The following LRRTM4 variants were observed in gnomAD, a reference collection of about 807,000 sequenced individuals.
LRRTM4 encodes leucine-rich repeat transmembrane neuronal protein 4.
In LRRTM4, 25 loss-of-function variants were observed where a neutral mutation model predicts 47.6. That is an observed-to-expected ratio of 0.53 (90% CI 0.38 to 0.73). The LOEUF (loss-of-function observed/expected upper bound fraction) is 0.73. LRRTM4 is among the 30% of genes least tolerant of loss of function. LRRTM4 has a pLI of 0.00. For missense variants in LRRTM4, 638 were observed against 713.4 expected, an observed-to-expected ratio of 0.89 and a Z score of 1.20; for synonymous variants, 311 against 269.5, an observed-to-expected ratio of 1.15 and a Z score of -1.51.
chr2:77,419,229 T>A (rs971326917), intron 3 of LRRTM4, among the ~76,000 whole-genome samples: 2 of 152,188 alleles, frequency 1.3e-5, no homozygotes, highest in African/African-American at 4.8e-5. Context: ...GAGGCCAAAG[T>A]TAATTCCAAG....
chr2:76,752,677 T>G (rs1573051053), intron 3 of LRRTM4, among the ~76,000 whole-genome samples: 1 of 152,348 alleles, frequency 6.6e-6, no homozygotes, highest in East Asian at 1.9e-4. Context: ...GAATTCGTGG[T>G]TTCTGAGGAG....
At chr2:77,247,545 T>G (rs1440322440) in intron 3 of LRRTM4, among the ~76,000 whole-genome samples, 1 of 152,140 alleles carries the variant, frequency 6.6e-6, no homozygotes, top group African/African-American at 2.4e-5. Context: ...TTTGCTGAAT[T>G]CATTGCCATT....
intron 3 of LRRTM4, among the ~76,000 whole-genome samples, chr2:77,001,296 T>A (rs1230635657): frequency 6.6e-6 from 1 of 152,138 alleles, no homozygotes. Context: ...ATTCTGATTA[T>A]TGTTTTAGGA....
rs146060184 is a variant in LRRTM4, at chr2:76,882,343, A to T, written c.1552-133427T>A. Among the ~76,000 whole-genome samples, 436 of 152,144 alleles carry T rather than the reference A, an allele frequency of 2.9e-3. 5 individuals carry two copies. The highest frequency in any genetic ancestry group is 9.6e-3 in the African/African-American group (400 of 41,502). On this transcript the variant is annotated intron_variant, in intron 3 of 3. Coordinates refer to ENST00000409884, the MANE Select transcript of LRRTM4 (RefSeq NM_001134745.3). ...ATTATTATATTTTAATAACAAAGTG[A>T]TATGGAGAAAATGAGAGCACATTCT...
intron 3 of LRRTM4, among the ~76,000 whole-genome samples, chr2:77,459,580 A>G (rs1325167990): frequency 6.6e-6 from 1 of 151,638 alleles, no homozygotes; most frequent in Non-Finnish European, 1.5e-5. Context: ...CCCTTACACT[A>G]CATCATATAA....
intron 3 of LRRTM4, among the ~76,000 whole-genome samples, chr2:77,095,837 C>A (rs1216449101): frequency 6.6e-6 from 1 of 152,070 alleles, no homozygotes; most frequent in Non-Finnish European, 1.5e-5. Context: ...AAAAGAGATT[C>A]TGTCATTTGA....
intron 3 of LRRTM4, among the ~76,000 whole-genome samples, chr2:77,303,878 T>A (rs578128357): frequency 9.2e-5 from 14 of 152,286 alleles, no homozygotes; most frequent in Admixed American, 2.6e-4. Flanking sequence ...TTAGATTGAT[T>A]TCATATCTTG....
At chr2:77,273,193 G>C (rs932065587) in intron 3 of LRRTM4, among the ~76,000 whole-genome samples, 3 of 151,890 alleles carry the variant, frequency 2.0e-5, no homozygotes, top group Non-Finnish European at 4.4e-5. Flanking sequence ...ATTTTTTTCT[G>C]TCTAAATTAA....
chr2:77,285,497 T>C (rs1185644603), intron 3 of LRRTM4, among the ~76,000 whole-genome samples: 1 of 151,584 alleles, frequency 6.6e-6, no homozygotes, highest in Non-Finnish European at 1.5e-5. Context: ...ATCCCAGCAC[T>C]TTGGGAGACT....
intron 3 of LRRTM4, among the ~76,000 whole-genome samples, chr2:76,901,374 T>C (rs1017763623): frequency 1.3e-5 from 2 of 152,158 alleles, no homozygotes; most frequent in East Asian, 1.9e-4. Context: ...CTGAAAAGTA[T>C]GTTATCTCAT....
intron 3 of LRRTM4, among the ~76,000 whole-genome samples, chr2:77,058,808 C>T (rs902693520): frequency 1.4e-4 from 22 of 151,932 alleles, no homozygotes; most frequent in African/African-American, 4.1e-4. Context: ...TTTATTTAGA[C>T]GATTGTTTTA....
intron 3 of LRRTM4, among the ~76,000 whole-genome samples, chr2:77,466,026 C>T (rs1676970510): frequency 1.3e-5 from 2 of 152,170 alleles, no homozygotes; most frequent in East Asian, 1.9e-4. Context: ...GCTTGTCTAA[C>T]TCTGGCCCTA....
chr2:76,904,591 T>C (rs549574312), intron 3 of LRRTM4, among the ~76,000 whole-genome samples: 3 of 152,284 alleles, frequency 2.0e-5, no homozygotes, highest in South Asian at 4.1e-4. Flanking sequence ...AGAAAATCTT[T>C]AGAACTCTAA....
chr2:77,510,772 C>T (rs1232491220), intron 3 of LRRTM4, among the ~76,000 whole-genome samples: 2 of 152,078 alleles, frequency 1.3e-5, no homozygotes, highest in Admixed American at 6.6e-5. Context: ...AAAATTTACT[C>T]ACCTTTTAGT....
intron 3 of LRRTM4, among the ~76,000 whole-genome samples, chr2:76,888,187 C>A (rs955144724): frequency 6.6e-6 from 1 of 150,686 alleles, no homozygotes; most frequent in Non-Finnish European, 1.5e-5. Flanking sequence ...AGAAGAAATA[C>A]TTTAGCTGTG....
intron 3 of LRRTM4, among the ~76,000 whole-genome samples, chr2:77,236,965 G>C (rs1675118465): frequency 6.6e-6 from 1 of 151,860 alleles, no homozygotes; most frequent in African/African-American, 2.4e-5. Context: ...GTTTATCAGG[G>C]GTATTGGCCT....
At chr2:76,967,225 G>A (rs972104284) in intron 3 of LRRTM4, among the ~76,000 whole-genome samples, 9 of 149,566 alleles carry the variant, frequency 6.0e-5, no homozygotes, top group African/African-American at 2.0e-4. Context: ...GAGTACTTGT[G>A]GATTTATTCC....
At chr2:77,081,097 C>T (rs1000211260) in intron 3 of LRRTM4, among the ~76,000 whole-genome samples, 2 of 152,132 alleles carry the variant, frequency 1.3e-5, no homozygotes, top group Non-Finnish European at 2.9e-5. Context: ...TTTCAGTTCT[C>T]ATTGCCTTTG....
chr2:76,748,690 C>T lies in LRRTM4; in HGVS notation c.*5G>A. The T allele has an allele frequency of 3.9e-6, 6 of 1,523,268 alleles. No individual in the cohort carries two copies. The South Asian group carries it at 4.5e-5, about 11-fold the overall frequency. The allele number at this position is 1,523,268 out of a possible 1,614,324, so 94.4% of individuals were successfully genotyped here. A position where few individuals can be genotyped will look rare whatever the true frequency, so the allele number is the denominator to read the frequency against. On this transcript the variant is annotated 3_prime_UTR_variant, in exon 4 of 4. Coordinates refer to ENST00000409884, the MANE Select transcript of LRRTM4 (RefSeq NM_001134745.3). ...GAGCTCCCCAGTGAGGAGTTGGCTT[C>T]AGCGTTAGTTTGCAATTCTCTCTAG...
Sources: allele counts gnomAD v4.1 joint callset (sites outside exome capture counted in the v4.1 genomes callset), GRCh38; gene constraint gnomAD v4.1.1; transcripts MANE v1.5; gene names NCBI Gene and HGNC (gene_info 2026-07-23, HGNC 2026-07-21).